NHSL1: variants seen among roughly 807,000 people sequenced by gnomAD.
NHSL1 encodes the protein NHS like 1.
A neutral mutation model predicts 95.0 loss-of-function variants in NHSL1; 48 were observed. The ratio of observed to expected loss-of-function variants is 0.51; its 90% CI spans 0.40 to 0.64. The LOEUF (loss-of-function observed/expected upper bound fraction) is 0.64. Ranked by LOEUF, NHSL1 falls within the 30% of genes least tolerant of loss-of-function variation. The pLI, the probability that NHSL1 is intolerant of heterozygous loss-of-function variation, is 0.00. For synonymous variants in NHSL1, 783 were observed against 833.9 expected, an observed-to-expected ratio of 0.94 and a Z score of 1.05; for missense variants, 1,971 against 2,077.7, an observed-to-expected ratio of 0.95 and a Z score of 1.00.
At chr6:138,545,762 G>C (rs1026620843), upstream of NHSL1, 1 of 1,210,812 alleles carries the variant, frequency 8.3e-7, no homozygotes. Context: ...GCCAGCCAGC[G>C]CCTGTTACTC....
intron 7 of NHSL1, among the ~76,000 whole-genome samples, chr6:138,428,480 T>G (rs1215077558): frequency 6.6e-6 from 1 of 152,240 alleles, no homozygotes; most frequent in Non-Finnish European, 1.5e-5. Flanking sequence ...ACCTTTTCAC[T>G]TCTAATGAGA....
chr6:138,429,816 C>T lies in NHSL1; in HGVS notation c.3980G>A (p.Gly1327Asp). ...AAGVPETNAA[G>D]SSSEACDFLK... ...GAAGTCACAGGCCTCTGAGGATGAA[C>T]CGGCTGCGTTGGTCTCCGGCACCCC... The change falls in exon 7 of 8, where the codon GGT (glycine) becomes GAT (aspartate). Residue 1327 changes from glycine (G) to aspartate (D), a missense_variant. Physicochemically the swap from Gly to Asp is moderately conservative, Grantham distance 94 (BLOSUM62 -1). Coordinates refer to ENST00000343505, the MANE Select transcript of NHSL1 (RefSeq NM_001144060.2). The T allele has an allele frequency of 3.2e-6, 5 of 1,551,584 alleles. No homozygotes were observed. The highest frequency in any genetic ancestry group is 3.3e-4 in the Middle Eastern group (2 of 5,990).
chr6:138,614,945 T>C (rs529707772), intron 1 of NHSL1, among the ~76,000 whole-genome samples: 64 of 138,060 alleles, frequency 4.6e-4, no homozygotes, highest in Non-Finnish European at 6.7e-4. Flanking sequence ...CCCAGGTCTG[T>C]GGGAAAATTG....
intron 1 of NHSL1, among the ~76,000 whole-genome samples, chr6:138,579,006 C>A (rs368254876): frequency 5.3e-5 from 8 of 152,304 alleles, no homozygotes; most frequent in South Asian, 2.1e-4. Context: ...CAGGATGAAA[C>A]TTCCACCTCA....
chr6:138,678,948 A>G (rs1785480518), intron 1 of NHSL1, among the ~76,000 whole-genome samples: 1 of 152,186 alleles, frequency 6.6e-6, no homozygotes, highest in Admixed American at 6.5e-5. Flanking sequence ...TTCCCACTTC[A>G]TTTCACACCT....
At chr6:138,564,787 T>C (rs376282793) in intron 1 of NHSL1, among the ~76,000 whole-genome samples, 3 of 151,970 alleles carry the variant, frequency 2.0e-5, no homozygotes, top group Admixed American at 6.6e-5. Flanking sequence ...GGCAGAGAAA[T>C]AACATAGAGA....
intron 1 of NHSL1, among the ~76,000 whole-genome samples, chr6:138,511,859 G>A (rs1487157942): frequency 6.6e-6 from 1 of 152,090 alleles, no homozygotes; most frequent in Non-Finnish European, 1.5e-5. Context: ...AGTGAGCCGA[G>A]ATTGCTCCAC....
intron 1 of NHSL1, among the ~76,000 whole-genome samples, chr6:138,580,112 G>A (rs993003147): frequency 6.6e-6 from 1 of 152,216 alleles, no homozygotes; most frequent in Admixed American, 6.5e-5. Context: ...GAAAGAGACA[G>A]AAATGCAAAT....
At position 138,433,431 on chromosome 6, in the gene NHSL1, C is replaced by T; in HGVS notation, c.914G>A (p.Ser305Asn). 2 of 1,552,352 alleles carry T rather than the reference C, an allele frequency of 1.3e-6. No homozygotes were observed. The highest frequency in any genetic ancestry group is 1.7e-6 in the Non-Finnish European group (2 of 1,147,142). ...SGSSGNMSVL[S>N]DSAGIVFPSR... ...AGGGAATACGATCCCTGCAGAATCGCTCAGCACAGACATGTTGCCAGAGGA... is the reference window on the plus strand; with the variant it reads ...AGGGAATACGATCCCTGCAGAATCGTTCAGCACAGACATGTTGCCAGAGGA... Residue 305 changes from serine to asparagine, a missense_variant, in exon 6 of 8, where the codon AGC becomes AAC. Physicochemically the swap from Ser to Asn is conservative, Grantham distance 46 (BLOSUM62 1). Around this residue, in one of 3 missense-constraint regions of NHSL1, gnomAD observed 1,602 missense variants for 1,654.5 expected, o/e 0.97. Transcript: ENST00000343505.
At chr6:138,561,140 T>C (rs1046513055) in intron 1 of NHSL1, among the ~76,000 whole-genome samples, 1 of 152,234 alleles carries the variant, frequency 6.6e-6, no homozygotes, top group African/African-American at 2.4e-5. Flanking sequence ...CCTTTTTCAA[T>C]AATGCACAAA....
At chr6:138,429,066 A>G (rs1775451496) in intron 7 of NHSL1, among the ~76,000 whole-genome samples, 1 of 152,240 alleles carries the variant, frequency 6.6e-6, no homozygotes, top group African/African-American at 2.4e-5. Context: ...ACCACATATA[A>G]AAAGTGTAAC....
chr6:138,651,972 T>A (rs926096562), intron 1 of NHSL1, among the ~76,000 whole-genome samples: 2 of 152,218 alleles, frequency 1.3e-5, no homozygotes, highest in African/African-American at 4.8e-5. Context: ...TTCTATTTCT[T>A]ATTAACAATA....
intron 7 of NHSL1, 26 bp downstream of exon 7, chr6:138,429,683 TAA>T (rs1775496606): frequency 6.5e-7 from 1 of 1,535,574 alleles, no homozygotes; most frequent in African/African-American, 1.4e-5. Flanking sequence ...CACAGTAGAT[TAA>T]AGTCAGAGGA....
At position 138,536,254 on chromosome 6, in the gene NHSL1, A is replaced by G. The variant is rs1022536212; in HGVS notation, c.16+9369T>C. Among the ~76,000 whole-genome samples, 8 of 152,234 alleles carry G rather than the reference A, an allele frequency of 5.3e-5. No homozygotes were observed. In the East Asian group the frequency reaches 1.5e-3, roughly 29 times the overall value. On this transcript the variant is annotated intron_variant, in intron 1 of 4. Coordinates refer to the NHSL1 transcript ENST00000342260. ...TTCTATGGTTTCACAAAGGTGAGTG[A>G]GGACTGGGGAGCGACTAAGACAAAC...
In NHSL1 at chr6:138,424,377, T is replaced by G; in HGVS notation, c.4525A>C (p.Ser1509Arg). ...RSRTPPSAAS[S>R]RYSMRNRIQS... ...ATCCGGTTCCGCATGCTGTACCTGC[T>G]GCTGGCGGCAGAAGGCGGCGTTCGG... Residue 1509 changes from serine to arginine, a missense_variant, in exon 8 of 8, where the codon AGC becomes CGC. Ser to Arg is a moderately radical substitution (Grantham distance 110, BLOSUM62 -1). Coordinates refer to ENST00000343505, the MANE Select transcript of NHSL1 (RefSeq NM_001144060.2). The surrounding 1 kb of genome is among the most constrained non-coding windows in gnomAD (Gnocchi z 5.9). The G allele has an allele frequency of 1.9e-6, 3 of 1,549,580 alleles. No homozygotes were observed. Among genetic ancestry groups the G allele is most frequent in the Non-Finnish European group, 2.6e-6 (3 of 1,145,942 alleles).
At chr6:138,555,632 C>G (rs113737628) in intron 1 of NHSL1, among the ~76,000 whole-genome samples, 1 of 152,150 alleles carries the variant, frequency 6.6e-6, no homozygotes, top group Admixed American at 6.6e-5. Context: ...CATGAGAAAG[C>G]CTGTTTTCAG....
chr6:138,610,539 T>TAAAAAAAAAAAAA (rs1390403525), intron 1 of NHSL1, among the ~76,000 whole-genome samples: 3 of 114,632 alleles, frequency 2.6e-5, no homozygotes, highest in African/African-American at 1.4e-4. Flanking sequence ...AAAAGTATAA[T>TAAAAAAAAAAAAA]AATAAAAAAA....
At chr6:138,661,951 G>C (rs939490036) in intron 1 of NHSL1, among the ~76,000 whole-genome samples, 1 of 152,032 alleles carries the variant, frequency 6.6e-6, no homozygotes, top group African/African-American at 2.4e-5. Context: ...GCGTGCACCT[G>C]TAGCCTCAGC....
intron 1 of NHSL1, among the ~76,000 whole-genome samples, chr6:138,613,543 G>A (rs1223261847): frequency 1.3e-5 from 2 of 152,134 alleles, no homozygotes; most frequent in Non-Finnish European, 2.9e-5. Flanking sequence ...ATTAGAGGAG[G>A]AAAAAGTGCA....
Sources: gnomAD v4.1 joint callset for allele counts (sites outside exome capture counted in the v4.1 genomes callset) on GRCh38, gnomAD v4.1.1 for gene constraint, gnomAD v4.1.1 regional missense constraint, Gnocchi (gnomAD v3.1) non-coding constraint, MANE v1.5 for transcripts, NCBI Gene and HGNC (gene_info 2026-07-23, HGNC 2026-07-21) for gene names.